Variants in CADM2 observed in about 807,000 individuals in gnomAD.
CADM2 encodes cell adhesion molecule 2.
Under a neutral mutation model 49.8 loss-of-function variants are expected in CADM2, and 12 were observed. That is an observed-to-expected ratio of 0.24 (90% CI 0.15 to 0.39). The LOEUF is 0.39. CADM2 is among the 10% of genes least tolerant of loss of function. CADM2 has a pLI of 1.00. For synonymous variants in CADM2, 214 were observed against 175.4 expected (o/e 1.22, Z -1.74); for missense variants, 378 against 492.3 (o/e 0.77, Z 2.20).
At chr3:84,994,892 G>A (rs1373782402) in intron 1 of CADM2, among the ~76,000 whole-genome samples, 3 of 151,930 alleles carry the variant, frequency 2.0e-5, no homozygotes, top group Non-Finnish European at 4.4e-5. Flanking sequence ...GCCGGGCGTG[G>A]TGGTGTGCAC....
chr3:85,458,391 C>T (rs1049648714), intron 1 of CADM2, among the ~76,000 whole-genome samples: 1 of 152,162 alleles, frequency 6.6e-6, no homozygotes, highest in Non-Finnish European at 1.5e-5. Flanking sequence ...GGTGTAAAAA[C>T]AACAATAAGC....
intron 3 of CADM2, among the ~76,000 whole-genome samples, chr3:85,863,619 T>C (rs1202193525): frequency 1.3e-5 from 2 of 152,166 alleles, no homozygotes; most frequent in Non-Finnish European, 2.9e-5. Flanking sequence ...ACTAGCACTT[T>C]GATGTTAGAC....
intron 8 of CADM2, among the ~76,000 whole-genome samples, chr3:86,033,001 C>A (rs1457836196): frequency 2.0e-5 from 3 of 151,680 alleles, no homozygotes; most frequent in Non-Finnish European, 2.9e-5. Flanking sequence ...TTTCCTTTTT[C>A]TTATCTTTCA....
intron 1 of CADM2, among the ~76,000 whole-genome samples, chr3:85,601,165 T>C (rs1175015177): frequency 0.023 from 1,821 of 78,264 alleles, 51 homozygotes; most frequent in African/African-American, 0.05. Flanking sequence ...TATATATATA[T>C]ATATATATAC....
chr3:85,802,531 A>G (rs1383353103), intron 3 of CADM2, among the ~76,000 whole-genome samples: 2 of 152,102 alleles, frequency 1.3e-5, no homozygotes, highest in African/African-American at 2.4e-5. Flanking sequence ...TCCTGATAAT[A>G]TAATATGATT....
At chr3:85,722,971 G>C (rs1244148950) in intron 1 of CADM2, among the ~76,000 whole-genome samples, 1 of 152,034 alleles carries the variant, frequency 6.6e-6, no homozygotes, top group Non-Finnish European at 1.5e-5. Flanking sequence ...TGTACTTTAT[G>C]ATTATTTGTA....
At chr3:85,191,147 T>G (rs1203515805) in intron 1 of CADM2, among the ~76,000 whole-genome samples, 1 of 151,984 alleles carries the variant, frequency 6.6e-6, no homozygotes, top group Admixed American at 6.6e-5. Flanking sequence ...TTTGGAAAAT[T>G]AATAGCAATA....
intron 1 of CADM2, among the ~76,000 whole-genome samples, chr3:85,701,256 G>C (rs1369083910): frequency 6.6e-6 from 1 of 152,116 alleles, no homozygotes; most frequent in East Asian, 1.9e-4. Context: ...TAAACCATTA[G>C]AAACTGCACC....
chr3:85,368,914 C>T (rs552215741), intron 1 of CADM2, among the ~76,000 whole-genome samples: 1 of 152,224 alleles, frequency 6.6e-6, no homozygotes. Context: ...AGTACAATCC[C>T]TATTGCCAGT....
At chr3:85,433,100 C>T (rs1400140114) in intron 1 of CADM2, among the ~76,000 whole-genome samples, 3 of 151,068 alleles carry the variant, frequency 2.0e-5, no homozygotes, top group Non-Finnish European at 4.4e-5. Context: ...AAATTTAGAT[C>T]ATGGGTTAAA....
intron 1 of CADM2, among the ~76,000 whole-genome samples, chr3:85,417,178 T>G (rs1368428969): frequency 6.6e-6 from 1 of 152,168 alleles, no homozygotes; most frequent in Non-Finnish European, 1.5e-5. Context: ...TGGAGTTACA[T>G]TTTGTACCCA....
intron 1 of CADM2, among the ~76,000 whole-genome samples, chr3:85,157,785 G>A (rs1374022783): frequency 6.6e-6 from 1 of 152,004 alleles, no homozygotes; most frequent in Non-Finnish European, 1.5e-5. Flanking sequence ...CATGGGCAAG[G>A]ACTTCATGTC....
At chr3:85,941,849 G>A (rs1454483357) in intron 7 of CADM2, among the ~76,000 whole-genome samples, 1 of 152,030 alleles carries the variant, frequency 6.6e-6, no homozygotes, top group East Asian at 1.9e-4. Flanking sequence ...CAGGGTCAGT[G>A]ATACATAAGA....
At chr3:85,283,864 T>G (rs926775757) in intron 1 of CADM2, among the ~76,000 whole-genome samples, 5 of 152,146 alleles carry the variant, frequency 3.3e-5, no homozygotes, top group Non-Finnish European at 5.9e-5. Flanking sequence ...AGCCTTGTAA[T>G]TATAACTTAG....
chr3:85,616,053 C>T (rs1371865685), intron 1 of CADM2, among the ~76,000 whole-genome samples: 1 of 151,952 alleles, frequency 6.6e-6, no homozygotes, highest in African/African-American at 2.4e-5. Context: ...GCAGAGTTGA[C>T]TGTGTAAAAT....
At chr3:85,791,277 A>G (rs2071307497) in intron 2 of CADM2, among the ~76,000 whole-genome samples, 1 of 152,170 alleles carries the variant, frequency 6.6e-6, no homozygotes, top group Non-Finnish European at 1.5e-5. Context: ...AGTAGGCTTT[A>G]GAATGCAATA....
chr3:85,345,749 G>T (rs1245517271), intron 1 of CADM2, among the ~76,000 whole-genome samples: 1 of 152,154 alleles, frequency 6.6e-6, no homozygotes, highest in Non-Finnish European at 1.5e-5. Flanking sequence ...TGGACTATTG[G>T]AAGAACTTAA....
chr3:85,075,436 G>A lies in CADM2; in HGVS notation c.61+115768G>A, dbSNP rs112237368. On this transcript the variant is annotated intron_variant, in intron 1 of 9. Transcript: ENST00000383699. ...GGGAATATTTAAAATGGTAAAATAA[G>A]GCAGAATGTGGAAATTTCTTTACAA... Among the ~76,000 whole-genome samples, 1,133 of 152,054 alleles carry A rather than the reference G, an allele frequency of 7.5e-3. 14 individuals carry two copies. Among genetic ancestry groups the A allele is most frequent in the African/African-American group, 0.025 (1,025 of 41,520 alleles).
At chr3:85,353,254 G>A (rs1250270111) in intron 1 of CADM2, among the ~76,000 whole-genome samples, 1 of 152,048 alleles carries the variant, frequency 6.6e-6, no homozygotes, top group African/African-American at 2.4e-5. Flanking sequence ...GAAACACGCA[G>A]CAGGAATCCA....
Sources: gnomAD v4.1 joint callset for allele counts (sites outside exome capture counted in the v4.1 genomes callset) on GRCh38, gnomAD v4.1.1 for gene constraint, MANE v1.5 for transcripts, NCBI Gene and HGNC (gene_info 2026-07-23, HGNC 2026-07-21) for gene names.